GRM7: variants seen among roughly 807,000 people sequenced by gnomAD.
The protein encoded by GRM7 is glutamate metabotropic receptor 7, also known as metabotropic glutamate receptor 7.
In GRM7, 35 loss-of-function variants were observed where a neutral mutation model predicts 84.5. The ratio of observed to expected loss-of-function variants is 0.41; its 90% confidence interval spans 0.32 to 0.55. The LOEUF (loss-of-function observed/expected upper bound fraction) is 0.55, where lower values mean the gene tolerates loss of function less well. Among genes scored for constraint, GRM7 ranks in the 20% least tolerant of loss-of-function variants. The pLI, the probability that GRM7 is intolerant of heterozygous loss-of-function variation, is 0.19. For synonymous variants in GRM7, 487 were observed against 455.1 expected (o/e 1.07, Z -0.89); for missense variants, 1,003 against 1,194.6 (o/e 0.84, Z 2.36).
chr3:6,920,741 C>A (rs1697096968), intron 1 of GRM7, among the ~76,000 whole-genome samples: 1 of 152,104 alleles, frequency 6.6e-6, no homozygotes, highest in African/African-American at 2.4e-5. Flanking sequence ...TCTCCTTCTC[C>A]TTTTGGATGC....
intron 8 of GRM7, chr3:7,607,041 T>C (rs1380519307): frequency 1.3e-5 from 2 of 152,192 alleles, no homozygotes; most frequent in Non-Finnish European, 2.9e-5. Context: ...ACAGGTTTTA[T>C]AGATTTCCAG....
intron 9 of GRM7, among the ~76,000 whole-genome samples, chr3:7,713,593 C>G (rs748935532): frequency 6.6e-6 from 1 of 152,018 alleles, no homozygotes; most frequent in Non-Finnish European, 1.5e-5. Flanking sequence ...AATGAGTTCT[C>G]TGATCAGAAT....
chr3:6,969,406 A>G (rs1472636181), intron 1 of GRM7, among the ~76,000 whole-genome samples: 1 of 152,194 alleles, frequency 6.6e-6, no homozygotes, highest in East Asian at 1.9e-4. Context: ...CTACTCAGAG[A>G]AGTTAATTAA....
intron 4 of GRM7, among the ~76,000 whole-genome samples, chr3:7,325,544 A>G (rs28571091): frequency 0.41 from 62,368 of 151,918 alleles, 12,862 homozygotes; most frequent in Middle Eastern, 0.49. Context: ...CTTTGGAGAA[A>G]GGGGCAGTCC....
intron 7 of GRM7, among the ~76,000 whole-genome samples, chr3:7,530,942 T>G (rs1410531563): frequency 6.6e-6 from 1 of 152,206 alleles, no homozygotes; most frequent in African/African-American, 2.4e-5. Flanking sequence ...TAGAAGCCCT[T>G]TAGTTTAATT....
At chr3:7,412,459 T>A (rs1695981899) in intron 4 of GRM7, among the ~76,000 whole-genome samples, 1 of 152,178 alleles carries the variant, frequency 6.6e-6, no homozygotes, top group African/African-American at 2.4e-5. Context: ...TTACTCTCTC[T>A]CACCTGGAAA....
At chr3:7,146,752 C>T in intron 2 of GRM7, 84 bp downstream of exon 2, 1 of 882,806 alleles carries the variant, frequency 1.1e-6, no homozygotes, top group East Asian at 2.5e-5. Context: ...ATTAAATAAA[C>T]ACTACAGACT....
intron 7 of GRM7, among the ~76,000 whole-genome samples, chr3:7,483,276 A>G (rs1164941797): frequency 6.6e-6 from 1 of 152,212 alleles, no homozygotes; most frequent in Non-Finnish European, 1.5e-5. Flanking sequence ...TGTGAGGAAA[A>G]CAAAATAAGG....
At chr3:7,020,138 C>G (rs1695724174) in intron 1 of GRM7, among the ~76,000 whole-genome samples, 1 of 152,198 alleles carries the variant, frequency 6.6e-6, no homozygotes, top group Non-Finnish European at 1.5e-5. Flanking sequence ...TGAGCCACTG[C>G]ACCCTGCCAA....
At chr3:7,031,996 G>C (rs1457107611) in intron 1 of GRM7, among the ~76,000 whole-genome samples, 1 of 152,122 alleles carries the variant, frequency 6.6e-6, no homozygotes, top group Admixed American at 6.5e-5. Context: ...CAGGCATTAA[G>C]GGAAATGACA....
intron 2 of GRM7, among the ~76,000 whole-genome samples, chr3:7,225,368 G>A (rs1191180935): frequency 1.4e-5 from 2 of 147,948 alleles, no homozygotes; most frequent in African/African-American, 2.5e-5. Context: ...TATTTTATCT[G>A]TAATTTCTTA....
chr3:7,146,735 A>C (rs1015103424), intron 2 of GRM7, 67 bp downstream of exon 2: 2 of 1,070,964 alleles, frequency 1.9e-6, no homozygotes, highest in Middle Eastern at 2.1e-4. Flanking sequence ...AGTTCTCTTC[A>C]AACTTCATTA....
intron 7 of GRM7, among the ~76,000 whole-genome samples, chr3:7,525,799 C>T (rs921204487): frequency 6.6e-6 from 1 of 152,058 alleles, no homozygotes; most frequent in Non-Finnish European, 1.5e-5. Flanking sequence ...TAAGTGAGAA[C>T]ATGTGATATT....
At chr3:7,083,108 T>C (rs6784466) in intron 1 of GRM7, among the ~76,000 whole-genome samples, 18,060 of 152,144 alleles carry the variant, frequency 0.12, 2,746 homozygotes, top group African/African-American at 0.34. Context: ...CTACTGAGGA[T>C]AAAATGCTAT....
chr3:6,922,325 G>C (rs1168778587), intron 1 of GRM7, among the ~76,000 whole-genome samples: 2 of 152,150 alleles, frequency 1.3e-5, no homozygotes, highest in African/African-American at 4.8e-5. Flanking sequence ...ACCGAAGATA[G>C]TCACTTTTTT....
At chr3:7,112,880 C>T (rs1447993477) in intron 1 of GRM7, among the ~76,000 whole-genome samples, 1 of 152,160 alleles carries the variant, frequency 6.6e-6, no homozygotes, top group East Asian at 1.9e-4. Context: ...ATAGGACTAC[C>T]ACTTCCTGTT....
chr3:7,332,976 G>A (rs751202611), intron 4 of GRM7, among the ~76,000 whole-genome samples: 2 of 152,092 alleles, frequency 1.3e-5, no homozygotes, highest in Non-Finnish European at 2.9e-5. Context: ...CCAATGCAGG[G>A]CAAGCTTATA....
At position 7,034,081 on chromosome 3, in the gene GRM7, C is replaced by T. The variant is rs982771118; in HGVS notation, c.520-112371C>T. On this transcript the variant is annotated intron_variant, in intron 1 of 9. Transcript: ENST00000357716. The stretch of plus-strand genomic sequence containing the variant: ...TAGATACCTTTCAAAGCTGAAGAGA[C>T]ATACAAAGTATATAGAAATTGGTCA... 5.3e-5 allele frequency among the ~76,000 whole-genome samples: 8 copies of T among 152,174 alleles called. No individual in the cohort carries two copies. The East Asian group carries it at 1.5e-3, about 29-fold the overall frequency.
chr3:7,422,503 A>AC (rs2124830450), intron 5 of GRM7, among the ~76,000 whole-genome samples: 1 of 152,320 alleles, frequency 6.6e-6, no homozygotes, highest in Admixed American at 6.5e-5. Flanking sequence ...AGGAGCTTAT[A>AC]CCAGCATTTA....
Sources: gnomAD v4.1 joint callset for allele counts (sites outside exome capture counted in the v4.1 genomes callset) on GRCh38, gnomAD v4.1.1 for gene constraint, MANE v1.5 for transcripts, NCBI Gene and HGNC (gene_info 2026-07-23, HGNC 2026-07-21) for gene names.